Variants in TEX9 observed in about 807,000 individuals in gnomAD.
TEX9 encodes the protein testis-expressed protein 9.
TEX9 carries 74 observed loss-of-function variants against 59.6 expected under a neutral mutation model. That is an observed-to-expected ratio of 1.24 (90% CI 1.03 to 1.51). The LOEUF (loss-of-function observed/expected upper bound fraction) is 1.51. TEX9 is among the 40% of genes most tolerant of loss of function. The pLI, the probability that TEX9 is intolerant of heterozygous loss-of-function variation, is 0.00. For synonymous variants in TEX9, 186 were observed against 152.2 expected, an observed-to-expected ratio of 1.22 and a Z score of -1.64; for missense variants, 522 against 447.8, an observed-to-expected ratio of 1.17 and a Z score of -1.49.
At chr15:56,363,850 C>T (rs1234463516), upstream of TEX9, among the ~76,000 whole-genome samples, 1 of 139,478 alleles carries the variant, frequency 7.2e-6, no homozygotes, top group East Asian at 2.1e-4. Flanking sequence ...TATCTATTTC[C>T]TTTTTTTTTT....
At chr15:56,250,469 A>G (rs1359194214) in intron 1 of TEX9, among the ~76,000 whole-genome samples, 1 of 152,182 alleles carries the variant, frequency 6.6e-6, no homozygotes, top group East Asian at 1.9e-4. Flanking sequence ...AGACACACAG[A>G]AGACTGGTCT....
intron 3 of TEX9, among the ~76,000 whole-genome samples, chr15:56,381,738 A>G (rs2047734780): frequency 6.6e-6 from 1 of 152,184 alleles, no homozygotes; most frequent in Non-Finnish European, 1.5e-5. Context: ...GAGCTGTCTG[A>G]AACTAGGGGT....
chr15:56,293,564 G>T (rs907999202), intron 1 of TEX9, among the ~76,000 whole-genome samples: 1 of 152,064 alleles, frequency 6.6e-6, no homozygotes, highest in Non-Finnish European at 1.5e-5. Context: ...TGGGGTGGGG[G>T]GTGTAGTTTG....
intron 1 of TEX9, among the ~76,000 whole-genome samples, chr15:56,295,606 A>C (rs1273766224): frequency 6.6e-6 from 1 of 152,116 alleles, no homozygotes; most frequent in Non-Finnish European, 1.5e-5. Context: ...TCTCATAGCT[A>C]TTGCTTTTGC....
chr15:56,251,300 G>T (rs1178870256), intron 1 of TEX9, among the ~76,000 whole-genome samples: 2 of 152,072 alleles, frequency 1.3e-5, no homozygotes, highest in African/African-American at 4.8e-5. Context: ...ATTCAGCAAA[G>T]CCTCAGGTTG....
At chr15:56,366,425 A>G (rs1464849160) in intron 2 of TEX9, among the ~76,000 whole-genome samples, 3 of 152,044 alleles carry the variant, frequency 2.0e-5, no homozygotes, top group East Asian at 1.9e-4. Flanking sequence ...TTTTCTTTCT[A>G]TCTCAGGAAA....
chr15:56,414,766 G>C (rs1466251003), intron 10 of TEX9, among the ~76,000 whole-genome samples: 1 of 151,796 alleles, frequency 6.6e-6, no homozygotes, highest in Non-Finnish European at 1.5e-5. Flanking sequence ...CCAATAATGA[G>C]ATTGCTGGGT....
intron 1 of TEX9, among the ~76,000 whole-genome samples, chr15:56,249,860 A>G (rs553473421): frequency 1.3e-5 from 2 of 152,150 alleles, no homozygotes; most frequent in South Asian, 4.2e-4. Flanking sequence ...TTCCAGTAGT[A>G]AGAATAAGAG....
intron 12 of TEX9, chr15:56,444,772 CATAAA>C (rs1393675801): frequency 4.6e-6 from 5 of 1,076,298 alleles, no homozygotes; most frequent in African/African-American, 3.2e-5. Flanking sequence ...AAGTCTTTTA[CATAAA>C]ATAAATTTTT....
chr15:56,253,905 T>C (rs1394355815), intron 1 of TEX9, among the ~76,000 whole-genome samples: 1 of 152,006 alleles, frequency 6.6e-6, no homozygotes, highest in South Asian at 2.1e-4. Flanking sequence ...CCTCAGAGAA[T>C]TGTTGGAATA....
rs566827503 is a variant in TEX9, at chr15:56,390,983, A to G, written c.396-260A>G. 2.6e-5 allele frequency among the ~76,000 whole-genome samples: 4 copies of G among 152,230 alleles called. No individual in the cohort carries two copies. The South Asian group carries it at 8.3e-4, about 32-fold the overall frequency. On this transcript the variant is annotated intron_variant, in intron 6 of 12. Coordinates refer to ENST00000352903, the Ensembl canonical transcript of TEX9. ...AGCTCTGTGGTCACATGATTCATAAAAACCAAAAATCTGCTAAGTCTCTTG... is the reference window on the plus strand; with the variant it reads ...AGCTCTGTGGTCACATGATTCATAAGAACCAAAAATCTGCTAAGTCTCTTG...
intron 1 of TEX9, among the ~76,000 whole-genome samples, chr15:56,346,020 A>G (rs542769407): frequency 6.6e-6 from 1 of 152,306 alleles, no homozygotes; most frequent in East Asian, 1.9e-4. Context: ...ATAAGTGGGA[A>G]TCAGGATACA....
intron 1 of TEX9, among the ~76,000 whole-genome samples, chr15:56,250,221 A>T (rs2043982480): frequency 6.6e-6 from 1 of 152,262 alleles, no homozygotes; most frequent in Non-Finnish European, 1.5e-5. Context: ...TATATAAAAA[A>T]GACACTGGTA....
chr15:56,279,288 G>C (rs369913150), intron 1 of TEX9, among the ~76,000 whole-genome samples: 5 of 152,126 alleles, frequency 3.3e-5, no homozygotes, highest in East Asian at 3.8e-4. Context: ...ACATATAGGA[G>C]GCTTTGGCCA....
At chr15:56,426,446 C>G (rs2050249522) in intron 10 of TEX9, among the ~76,000 whole-genome samples, 1 of 151,046 alleles carries the variant, frequency 6.6e-6, no homozygotes, top group Admixed American at 6.6e-5. Context: ...TTCTAGAGCT[C>G]TCCCAAAGCT....
chr15:56,272,274 A>G (rs1276166189), intron 1 of TEX9, among the ~76,000 whole-genome samples: 7 of 152,208 alleles, frequency 4.6e-5, no homozygotes, highest in Non-Finnish European at 5.9e-5. Flanking sequence ...AGTTAATTCC[A>G]ATTCTCCCCT....
At chr15:56,326,258 AGTGTCATC>A (rs2046017045) in intron 1 of TEX9, among the ~76,000 whole-genome samples, 1 of 147,220 alleles carries the variant, frequency 6.8e-6, no homozygotes, top group African/African-American at 2.5e-5. Flanking sequence ...TGGTTTTTTA[AGTGTCATC>A]GTGAATGCAT....
chr15:56,259,961 A>C (rs536645892), intron 1 of TEX9, among the ~76,000 whole-genome samples: 13 of 152,180 alleles, frequency 8.5e-5, no homozygotes, highest in Admixed American at 2.6e-4. Context: ...GTGATCTTAC[A>C]TGTCTTTTAT....
At chr15:56,278,237 A>G (rs957679279) in intron 1 of TEX9, among the ~76,000 whole-genome samples, 5 of 152,168 alleles carry the variant, frequency 3.3e-5, no homozygotes, top group East Asian at 1.9e-4. Flanking sequence ...ATTATTGCAC[A>G]TATTATCCTT....
Sources: allele counts gnomAD v4.1 joint callset (sites outside exome capture counted in the v4.1 genomes callset), GRCh38; gene constraint gnomAD v4.1.1; transcripts MANE v1.5; gene names NCBI Gene and HGNC (gene_info 2026-07-23, HGNC 2026-07-21).